Variants in ADAMTS18 observed in about 807,000 individuals in gnomAD.
ADAMTS18 encodes the protein ADAM metallopeptidase with thrombospondin type 1 motif 18, also known as A disintegrin and metalloproteinase with thrombospondin motifs 18.
Under a neutral mutation model 165.9 loss-of-function variants are expected in ADAMTS18, and 157 were observed. That is an observed-to-expected ratio of 0.95 (90% CI 0.83 to 1.08). ADAMTS18 has a LOEUF of 1.08. Ranked by LOEUF, ADAMTS18 falls within the 50% of genes least tolerant of loss-of-function variation. The probability of loss-of-function intolerance (pLI) is 0.00; values close to 1 mark genes in which losing one functional copy is unlikely to be tolerated. For missense variants in ADAMTS18, 2,040 were observed against 1,534.0 expected (o/e 1.33, Z -5.51); for synonymous variants, 782 against 578.2 (o/e 1.35, Z -5.06).
At chr16:77,308,080 G>GT (rs35063468) in intron 16 of ADAMTS18, among the ~76,000 whole-genome samples, 231 of 152,096 alleles carry the variant, frequency 1.5e-3, no homozygotes, top group Non-Finnish European at 1.5e-3. Context: ...GGCTGCTGTC[G>GT]TTTTCAGCTT....
intron 8 of ADAMTS18, among the ~76,000 whole-genome samples, chr16:77,358,535 CG>C (rs2056665457): frequency 1.3e-5 from 2 of 152,066 alleles, no homozygotes; most frequent in South Asian, 4.2e-4. Context: ...GCACTCCAGC[CG>C]GGGCGACAGA....
intron 12 of ADAMTS18, among the ~76,000 whole-genome samples, chr16:77,332,478 T>G (rs2056205305): frequency 6.6e-6 from 1 of 152,192 alleles, no homozygotes; most frequent in Non-Finnish European, 1.5e-5. Context: ...AGATGCAATT[T>G]CTAATCCTCC....
chr16:77,290,742 C>CTGA, intron 21 of ADAMTS18: 1 of 166,286 alleles, frequency 6.0e-6, no homozygotes, highest in African/African-American at 2.4e-5. Flanking sequence ...CCTCTAGCAT[C>CTGA]TGATAAGTTT....
At chr16:77,356,380 C>A (rs889167402) in intron 8 of ADAMTS18, among the ~76,000 whole-genome samples, 1 of 152,118 alleles carries the variant, frequency 6.6e-6, no homozygotes, top group Non-Finnish European at 1.5e-5. Flanking sequence ...TAAGCTAAGC[C>A]AAAGTGATGG....
chr16:77,357,697 A>T (rs1458180251), intron 8 of ADAMTS18, among the ~76,000 whole-genome samples: 2 of 152,162 alleles, frequency 1.3e-5, no homozygotes, highest in African/African-American at 4.8e-5. Flanking sequence ...AACAATCTTA[A>T]ATTTAATTTA....
intron 16 of ADAMTS18, among the ~76,000 whole-genome samples, chr16:77,310,594 G>C (rs773035934): frequency 1.3e-5 from 2 of 151,968 alleles, no homozygotes; most frequent in African/African-American, 2.4e-5. Context: ...AAGACTTAAG[G>C]CTGTAAAGTT....
intron 3 of ADAMTS18, among the ~76,000 whole-genome samples, chr16:77,372,492 T>C (rs541498446): frequency 2.6e-5 from 4 of 152,210 alleles, no homozygotes; most frequent in Non-Finnish European, 5.9e-5. Flanking sequence ...AGCTGTGGCA[T>C]CGACATGATG....
intron 22 of ADAMTS18, among the ~76,000 whole-genome samples, chr16:77,288,417 T>C (rs1312992439): frequency 6.6e-6 from 1 of 151,902 alleles, no homozygotes; most frequent in Non-Finnish European, 1.5e-5. Context: ...TTTGGTCTTG[T>C]GCAAGATTCT....
intron 3 of ADAMTS18, among the ~76,000 whole-genome samples, chr16:77,415,586 C>G (rs981080394): frequency 2.6e-5 from 4 of 152,092 alleles, no homozygotes; most frequent in Non-Finnish European, 1.5e-5. Context: ...TCAACGATAT[C>G]TGATGTTCTG....
chr16:77,293,208 C>T lies in ADAMTS18; in HGVS notation c.3057G>A (p.Lys1019=). ...CGGGGAGGGTTTCTGCGGCAGAGCC[C>T]TTGCAGAGGAGTTCACGCTTCCTCA... ...RGVRKRELLC[K]GSAAETLPES... is the part of the protein sequence containing the mutation. Residue 1019 remains lysine, a synonymous_variant, in exon 20 of 23, where the codon AAG becomes AAA. Transcript: ENST00000282849. 1 of 1,613,974 alleles carries T rather than the reference C, an allele frequency of 6.2e-7. No homozygotes were observed. The highest frequency in any genetic ancestry group is 8.5e-7 in the Non-Finnish European group (1 of 1,179,976).
chr16:77,329,940 T>C (rs1309994668), intron 12 of ADAMTS18, among the ~76,000 whole-genome samples: 1 of 152,232 alleles, frequency 6.6e-6, no homozygotes, highest in Admixed American at 6.5e-5. Flanking sequence ...TATCAAGTCC[T>C]GACTACAAAT....
chr16:77,404,400 T>G (rs988476013), intron 3 of ADAMTS18, among the ~76,000 whole-genome samples: 1 of 152,154 alleles, frequency 6.6e-6, no homozygotes, highest in African/African-American at 2.4e-5. Flanking sequence ...AATTCCACTG[T>G]ACTATATAAT....
chr16:77,337,021 T>C (rs895359060), intron 11 of ADAMTS18, among the ~76,000 whole-genome samples: 3 of 152,242 alleles, frequency 2.0e-5, no homozygotes, highest in African/African-American at 7.2e-5. Context: ...TTTGGCTTCA[T>C]GACTGTTTAC....
At chr16:77,315,004 C>G (rs1463340983) in intron 16 of ADAMTS18, among the ~76,000 whole-genome samples, 1 of 151,276 alleles carries the variant, frequency 6.6e-6, no homozygotes, top group South Asian at 2.1e-4. Context: ...TCTGTACTCT[C>G]AGCCATTCTG....
Position 77,434,795 on chromosome 16 carries a change from G to T in ADAMTS18, c.-100C>A. The stretch of plus-strand genomic sequence containing the variant: ...CGCGGCCCCGGAGCTCGGCGCCCCA[G>T]GTGCGGCTCCAGGTGAGAGCCGCCG... On this transcript the variant is annotated 5_prime_UTR_variant, in exon 1 of 23. In the 5' UTR this introduces an upstream ATG that the reference lacks. Coordinates refer to ENST00000282849, the MANE Select transcript of ADAMTS18 (RefSeq NM_199355.4). 1.9e-6 allele frequency: 2 copies of T among 1,064,828 alleles called. No individual in the cohort carries two copies. Among genetic ancestry groups the T allele is most frequent in the Non-Finnish European group, 2.4e-6 (2 of 817,430 alleles). 66.0% of individuals were successfully genotyped at this position (1,064,828 alleles called of 1,614,324 possible).
At chr16:77,347,366 T>G (rs961690485) in intron 10 of ADAMTS18, among the ~76,000 whole-genome samples, 12 of 152,176 alleles carry the variant, frequency 7.9e-5, no homozygotes, top group African/African-American at 2.9e-4. Flanking sequence ...ACTTTCTACA[T>G]TGAAACAACT....
At chr16:77,412,541 T>C (rs1460197039) in intron 3 of ADAMTS18, among the ~76,000 whole-genome samples, 1 of 152,098 alleles carries the variant, frequency 6.6e-6, no homozygotes, top group Non-Finnish European at 1.5e-5. Flanking sequence ...TCTGTTTTCA[T>C]TTTGCTAATA....
At chr16:77,320,174 G>C in intron 15 of ADAMTS18, 81 bp from the exon 16 acceptor site, 3 of 1,551,672 alleles carry the variant, frequency 1.9e-6, no homozygotes, top group Non-Finnish European at 2.7e-6. Context: ...GACATGTAGT[G>C]TTCAGTTTTA....
rs955628632 is a variant in ADAMTS18, at chr16:77,356,008, T to C, written c.1392A>G (p.Thr464=). The C allele has an allele frequency of 8.1e-6, 13 of 1,613,986 alleles. No homozygotes were observed. Among genetic ancestry groups the C allele is most frequent in the Non-Finnish European group, 1.0e-5 (12 of 1,179,998 alleles). Residue 464 remains threonine (T), a synonymous_variant, in exon 9 of 23, where the codon ACA becomes ACG. Transcript: ENST00000282849. Reference sequence around the variant, plus strand: ...AAAACACTCCATTGTTTCCGGTCAGTGTGGGAGACATGATATTGCCTTCAG... The same window carrying C: ...AAAACACTCCATTGTTTCCGGTCAGCGTGGGAGACATGATATTGCCTTCAG... The part of the protein sequence containing the change: ...RKAEGNIMSP[T]LTGNNGVFSW...
Sources: allele counts gnomAD v4.1 joint callset (sites outside exome capture counted in the v4.1 genomes callset), GRCh38; gene constraint gnomAD v4.1.1; transcripts MANE v1.5; gene names NCBI Gene and HGNC (gene_info 2026-07-23, HGNC 2026-07-21).